The following CSMD1 variants were observed in gnomAD, a reference collection of about 807,000 sequenced individuals.
The protein encoded by CSMD1 is CUB and sushi domain-containing protein 1.
A neutral mutation model predicts 417.5 loss-of-function variants in CSMD1; 213 were observed. The observed-to-expected ratio is 0.51, with a 90% CI of 0.46 to 0.57. The LOEUF (loss-of-function observed/expected upper bound fraction) is 0.57, where lower values mean the gene tolerates loss of function less well. Ranked by LOEUF, CSMD1 falls within the 20% of genes least tolerant of loss-of-function variation. The pLI is 0.00. For missense variants in CSMD1, 6,923 were observed against 4,529.7 expected (o/e 1.53, Z -15.17); for synonymous variants, 2,862 against 1,736.8 (o/e 1.65, Z -16.11).
chr8:3,966,527 G>T (rs184706169), intron 5 of CSMD1, among the ~76,000 whole-genome samples: 1 of 152,196 alleles, frequency 6.6e-6, no homozygotes, highest in African/African-American at 2.4e-5. Flanking sequence ...GGAGAAAATT[G>T]TATTCTTTTG....
intron 1 of CSMD1, among the ~76,000 whole-genome samples, chr8:4,991,870 G>A (rs1475721479): frequency 6.6e-6 from 1 of 152,168 alleles, no homozygotes; most frequent in Non-Finnish European, 1.5e-5. Context: ...CAGGCGTGGA[G>A]GAGACACGGT....
intron 7 of CSMD1, among the ~76,000 whole-genome samples, chr8:3,689,782 T>G (rs1216893552): frequency 6.6e-6 from 1 of 152,184 alleles, no homozygotes; most frequent in African/African-American, 2.4e-5. Flanking sequence ...TAAAGTGATT[T>G]TCACAAAGTT....
At chr8:4,111,519 C>A (rs1801854119) in intron 3 of CSMD1, among the ~76,000 whole-genome samples, 2 of 152,156 alleles carry the variant, frequency 1.3e-5, no homozygotes, top group Non-Finnish European at 2.9e-5. Flanking sequence ...GGAATCCACC[C>A]AAACGCCCAT....
Position 4,131,272 on chromosome 8 carries a change from G to C in CSMD1, c.416-99173C>G, listed in dbSNP as rs191553895. On this transcript the variant is annotated intron_variant, in intron 3 of 69. Transcript: ENST00000635120. Reference sequence around the variant, plus strand: ...CAGAAAGGTAGGAGATGAACTGTAGGAACTGAAGAGGCTGAATCTACACAG... The same window carrying C: ...CAGAAAGGTAGGAGATGAACTGTAGCAACTGAAGAGGCTGAATCTACACAG... Among the ~76,000 whole-genome samples, 173 of 151,416 alleles carry C rather than the reference G, an allele frequency of 1.1e-3. 3 individuals are homozygous for C. In the East Asian group the frequency reaches 0.027, roughly 24 times the overall value.
intron 3 of CSMD1, among the ~76,000 whole-genome samples, chr8:4,048,399 C>T (rs944366120): frequency 3.9e-5 from 6 of 152,270 alleles, no homozygotes; most frequent in African/African-American, 1.4e-4. Flanking sequence ...CTAGACAAAC[C>T]ACTGTGTACA....
At chr8:4,463,748 G>T (rs1014433671) in intron 2 of CSMD1, among the ~76,000 whole-genome samples, 1 of 152,178 alleles carries the variant, frequency 6.6e-6, no homozygotes, top group Non-Finnish European at 1.5e-5. Context: ...CCGTGGGGCT[G>T]AGGGAAAATA....
chr8:4,059,092 C>A (rs1798840991), intron 3 of CSMD1, among the ~76,000 whole-genome samples: 1 of 152,314 alleles, frequency 6.6e-6, no homozygotes, highest in African/African-American at 2.4e-5. Context: ...AACAAACTGT[C>A]TCTCAGACCA....
chr8:4,667,573 A>C (rs557333572), intron 1 of CSMD1, among the ~76,000 whole-genome samples: 1 of 152,108 alleles, frequency 6.6e-6, no homozygotes, highest in Admixed American at 6.5e-5. Context: ...TCAGATTTTT[A>C]TATATTTTCT....
At chr8:4,089,427 G>A (rs923189866) in intron 3 of CSMD1, among the ~76,000 whole-genome samples, 3 of 152,138 alleles carry the variant, frequency 2.0e-5, no homozygotes, top group East Asian at 3.9e-4. Context: ...AGCATTCTGT[G>A]TCATTATTTT....
chr8:4,670,638 T>C (rs1236234314), intron 1 of CSMD1, among the ~76,000 whole-genome samples: 1 of 152,236 alleles, frequency 6.6e-6, no homozygotes, highest in East Asian at 1.9e-4. Flanking sequence ...TATGCAAATG[T>C]TACCTGCTAT....
intron 46 of CSMD1, among the ~76,000 whole-genome samples, chr8:3,105,757 C>T (rs1020693369): frequency 2.0e-5 from 3 of 152,082 alleles, no homozygotes; most frequent in Non-Finnish European, 4.4e-5. Context: ...TATAGCAAAA[C>T]GAAATGATAT....
chr8:4,762,486 G>C (rs111843443), intron 1 of CSMD1, among the ~76,000 whole-genome samples: 2 of 152,150 alleles, frequency 1.3e-5, no homozygotes, highest in South Asian at 2.1e-4. Flanking sequence ...TTAAATTACA[G>C]ATATCAAATT....
chr8:3,704,468 A>G (rs1411827324), intron 7 of CSMD1, among the ~76,000 whole-genome samples: 1 of 152,242 alleles, frequency 6.6e-6, no homozygotes, highest in East Asian at 1.9e-4. Context: ...CATAACCACA[A>G]CAACATAAAT....
intron 3 of CSMD1, among the ~76,000 whole-genome samples, chr8:4,121,305 C>G (rs991927044): frequency 5.7e-4 from 86 of 151,850 alleles, no homozygotes; most frequent in African/African-American, 2.0e-3. Context: ...AGTAGAGACA[C>G]CGTTCCACCA....
At chr8:4,584,449 G>C (rs2725029) in intron 2 of CSMD1, among the ~76,000 whole-genome samples, 5 of 151,764 alleles carry the variant, frequency 3.3e-5, no homozygotes, top group African/African-American at 1.2e-4. Context: ...AGTTAAAAGC[G>C]ACTAGCGTGG....
At chr8:3,523,495 C>A (rs1542592) in intron 10 of CSMD1, among the ~76,000 whole-genome samples, 1 of 152,012 alleles carries the variant, frequency 6.6e-6, no homozygotes, top group African/African-American at 2.4e-5. Context: ...GGATGGCTGG[C>A]AGCAGAAAGG....
chr8:4,079,860 C>T (rs567402378), intron 3 of CSMD1, among the ~76,000 whole-genome samples: 42 of 152,150 alleles, frequency 2.8e-4, no homozygotes, highest in African/African-American at 1.0e-3. Flanking sequence ...TTCTAATGAC[C>T]CTTTGAATAC....
In CSMD1 at chr8:3,057,784, T is replaced by G. The variant is rs369319152; in HGVS notation, c.7475-5137A>C. The stretch of plus-strand genomic sequence containing the variant: ...ATTACTAAAGATGCCCGGACTATTG[T>G]GATTATGTATTTTCAATTTTAAATC... On this transcript the variant is annotated intron_variant, in intron 49 of 69. Transcript: ENST00000635120. Among the ~76,000 whole-genome samples the G allele has an allele frequency of 9.2e-4, 140 of 152,322 alleles. 1 individual carries two copies. The highest frequency in any genetic ancestry group is 3.1e-3 in the African/African-American group (128 of 41,566).
intron 3 of CSMD1, among the ~76,000 whole-genome samples, chr8:4,245,498 T>C (rs1802649660): frequency 2.0e-5 from 3 of 152,106 alleles, no homozygotes; most frequent in African/African-American, 7.2e-5. Flanking sequence ...ATGAAGAGCC[T>C]AAGGTTGGAT....
Sources: gnomAD v4.1 joint callset for allele counts (sites outside exome capture counted in the v4.1 genomes callset) on GRCh38, gnomAD v4.1.1 for gene constraint, MANE v1.5 for transcripts, NCBI Gene and HGNC (gene_info 2026-07-23, HGNC 2026-07-21) for gene names.